The following IVD variants were observed in gnomAD, a reference collection of about 807,000 sequenced individuals.
IVD encodes the protein isovaleryl-CoA dehydrogenase.
IVD carries 31 observed loss-of-function variants against 51.3 expected under a neutral mutation model. The observed-to-expected ratio is 0.60, with a 90% confidence interval of 0.45 to 0.81. The LOEUF (loss-of-function observed/expected upper bound fraction) is 0.81, where lower values mean the gene tolerates loss of function less well. Ranked by LOEUF, IVD falls within the 40% of genes least tolerant of loss-of-function variation. The pLI is 0.00. For synonymous variants in IVD, 205 were observed against 219.4 expected, an observed-to-expected ratio of 0.93 and a Z score of 0.58; for missense variants, 475 against 552.0, an observed-to-expected ratio of 0.86 and a Z score of 1.40.
intron 7 of IVD, 42 bp downstream of exon 7, chr15:40,413,129 C>A (rs1302221226): frequency 1.3e-6 from 2 of 1,487,766 alleles, no homozygotes; most frequent in East Asian, 2.3e-5. Flanking sequence ...TCCTGACCCC[C>A]TTCCAGGCTG....
rs1477426995 is a variant in IVD, at chr15:40,410,726, C to T, written c.385C>T (p.His129Tyr). The T allele has an allele frequency of 6.2e-7, 1 of 1,614,226 alleles. No homozygotes were observed. Among genetic ancestry groups the T allele is most frequent in the Admixed American group, 1.7e-5 (1 of 60,032 alleles). ...AGCAGTGGGGCTCAGTTACGGTGCC[C>T]ACTCCAACCTCTGCATCAACCAGCT... ...SGAVGLSYGA[H>Y]SNLCINQLVR... Residue 129 changes from histidine to tyrosine, a missense_variant, in exon 4 of 12, where the codon CAC becomes TAC. Physicochemically the swap from His to Tyr is moderately conservative, Grantham distance 83. Transcript: ENST00000487418.
intron 1 of IVD, among the ~76,000 whole-genome samples, chr15:40,406,808 A>G (rs544358390): frequency 1.3e-5 from 2 of 151,902 alleles, no homozygotes; most frequent in East Asian, 3.9e-4. Context: ...TCAAGTGGAA[A>G]GGGTTCAATC....
intron 3 of IVD, among the ~76,000 whole-genome samples, chr15:40,409,950 C>T (rs1042950744): frequency 1.3e-5 from 2 of 151,820 alleles, no homozygotes; most frequent in East Asian, 1.9e-4. Flanking sequence ...CATTCTCCTG[C>T]TTCAGCCTCC....
chr15:40,417,045 C>T (rs1891765852), intron 11 of IVD, among the ~76,000 whole-genome samples: 3 of 149,706 alleles, frequency 2.0e-5, no homozygotes, highest in Non-Finnish European at 3.0e-5. Flanking sequence ...ACTAAAAATA[C>T]AAAAAAAAAT....
At chr15:40,412,702 A>C in intron 6 of IVD, 2 of 416,154 alleles carry the variant, frequency 4.8e-6, no homozygotes, top group Non-Finnish European at 4.5e-6. Flanking sequence ...GGGGGAGGGA[A>C]ATAAGGCCAG....
rs2141382360 is a variant in IVD at position 40,419,648 on chromosome 15, A to G, written c.*1385A>G. 6.3e-6 allele frequency: 1 copy of G among 157,970 alleles called. No individual in the cohort carries two copies. The highest frequency in any genetic ancestry group is 1.8e-4 in the East Asian group (1 of 5,464). The allele number at this position is 157,970 out of a possible 1,614,324, so 9.8% of individuals were successfully genotyped here. A position where few individuals can be genotyped will look rare whatever the true frequency, so the allele number is the denominator to read the frequency against. Reference sequence around the variant, plus strand: ...AAGATGGTAAAACCTCGTCTCTACTAAAAATACAAAAATTAGCCAGGTGTG... The same window carrying G: ...AAGATGGTAAAACCTCGTCTCTACTGAAAATACAAAAATTAGCCAGGTGTG... On this transcript the variant is annotated 3_prime_UTR_variant, in exon 12 of 12. Coordinates refer to ENST00000487418, the MANE Select transcript of IVD (RefSeq NM_002225.5).
At chr15:40,435,789 C>T, downstream of IVD, 1 of 838,292 alleles carries the variant, frequency 1.2e-6, no homozygotes, top group Non-Finnish European at 1.4e-6. Flanking sequence ...TGGCAGCCTG[C>T]CCGAAGAGTG....
At chr15:40,417,986 A>T in intron 11 of IVD, 144 bp from the exon 12 acceptor site, 1 of 1,087,636 alleles carries the variant, frequency 9.2e-7, no homozygotes, top group Non-Finnish European at 1.3e-6. Flanking sequence ...TGTATTCCCC[A>T]CACCCCTCCC....
chr15:40,435,214 G>A (rs561077987), intron 8 of IVD, among the ~76,000 whole-genome samples: 1 of 152,266 alleles, frequency 6.6e-6, no homozygotes, highest in Non-Finnish European at 1.5e-5. Context: ...AGCGAAGCTC[G>A]TCCCCATGTT....
downstream of IVD, among the ~76,000 whole-genome samples, chr15:40,425,495 C>G (rs572803121): frequency 3.4e-5 from 5 of 146,960 alleles, no homozygotes; most frequent in Non-Finnish European, 7.4e-5. Flanking sequence ...TTTGGCTCAT[C>G]ATTGTATAGT....
At chr15:40,435,553 C>T in exon 9 of IVD, 1 of 1,166,994 alleles carries the variant, frequency 8.6e-7, no homozygotes, top group East Asian at 7.6e-5. Context: ...GCGTGCTGCT[C>T]CCCCAACTCG....
At chr15:40,426,969 C>T (rs117028441), downstream of IVD, among the ~76,000 whole-genome samples, 1,180 of 152,308 alleles carry the variant, frequency 7.7e-3, 12 homozygotes, top group Non-Finnish European at 0.012. Context: ...GCAACAATTA[C>T]GTTTCCATTT....
intron 7 of IVD, among the ~76,000 whole-genome samples, chr15:40,430,582 T>G (rs11634187): frequency 0.12 from 18,434 of 152,134 alleles, 1,257 homozygotes; most frequent in Non-Finnish European, 0.16. Context: ...TGGGCTGTGG[T>G]TGATCACAGA....
intron 9 of IVD, 138 bp from the exon 10 acceptor site, chr15:40,415,940 A>G: frequency 1.3e-6 from 1 of 782,144 alleles, no homozygotes. Context: ...CCCCATCTCC[A>G]TCATCCTGAG....
At chr15:40,411,521 T>G (rs1310799951) in intron 5 of IVD, 34 bp from the exon 6 acceptor site, 1 of 1,614,056 alleles carries the variant, frequency 6.2e-7, no homozygotes, top group African/African-American at 1.3e-5. Context: ...CAGGCCAAGA[T>G]GGCTTGAGCA....
At chr15:40,416,491 A>G in intron 11 of IVD, 129 bp downstream of exon 11, 1 of 813,506 alleles carries the variant, frequency 1.2e-6, no homozygotes, top group Non-Finnish European at 2.1e-6. Flanking sequence ...AGGCCGAGGT[A>G]GGCAGATCAC....
chr15:40,435,838 T>C (rs1047419019), downstream of IVD: 14 of 423,210 alleles, frequency 3.3e-5, no homozygotes, highest in African/African-American at 3.0e-4. Flanking sequence ...TAGCCCCTTC[T>C]TGGAACGTCC....
intron 7 of IVD, among the ~76,000 whole-genome samples, chr15:40,432,620 G>T (rs1893040890): frequency 6.6e-6 from 1 of 152,266 alleles, no homozygotes; most frequent in Non-Finnish European, 1.5e-5. Flanking sequence ...AGACTAGAGA[G>T]GTCAGTGGCT....
At chr15:40,417,466 C>T (rs1891829675) in intron 11 of IVD, among the ~76,000 whole-genome samples, 1 of 150,792 alleles carries the variant, frequency 6.6e-6, no homozygotes, top group South Asian at 2.1e-4. Flanking sequence ...CAATATCATG[C>T]CACTGCACTC....
Sources: gnomAD v4.1 joint callset for allele counts (sites outside exome capture counted in the v4.1 genomes callset) on GRCh38, gnomAD v4.1.1 for gene constraint, MANE v1.5 for transcripts, NCBI Gene and HGNC (gene_info 2026-07-23, HGNC 2026-07-21) for gene names.